EFCAB8: variants seen among roughly 807,000 people sequenced by gnomAD.
The protein encoded by EFCAB8 is EF-hand calcium-binding domain-containing protein 8.
In EFCAB8, 100 loss-of-function variants were observed where a neutral mutation model predicts 116.3. The ratio of observed to expected loss-of-function variants is 0.86; its 90% confidence interval spans 0.73 to 1.02. The LOEUF (loss-of-function observed/expected upper bound fraction) is 1.02. EFCAB8 is among the 50% of genes least tolerant of loss of function. EFCAB8 has a pLI of 0.00. For synonymous variants in EFCAB8, 558 were observed against 567.9 expected, an observed-to-expected ratio of 0.98 and a Z score of 0.25; for missense variants, 1,320 against 1,416.9, an observed-to-expected ratio of 0.93 and a Z score of 1.10.
rs1984658393 is a variant in EFCAB8, at chr20:32,871,015, G to T, written c.208+3268G>T. Among the ~76,000 whole-genome samples, 10 of 151,680 alleles carry T rather than the reference G, an allele frequency of 6.6e-5. No homozygotes were observed. In the South Asian group the frequency reaches 2.1e-3, roughly 32 times the overall value. ...CTGGGACTACAGGCACGCACCACTG[G>T]CTAATTTTGGTATTTTCAGTAGAGA... is the stretch of plus-strand genomic sequence containing the variant. On this transcript the variant is annotated intron_variant, in intron 3 of 26. Coordinates refer to ENST00000400522, the MANE Select transcript of EFCAB8 (RefSeq NM_001143967.2).
At chr20:32,911,753 G>A in intron 16 of EFCAB8, 46 bp downstream of exon 16, 1 of 1,518,006 alleles carries the variant, frequency 6.6e-7, no homozygotes, top group Admixed American at 2.0e-5. Flanking sequence ...CTCTTGGGAA[G>A]CAAAGCACAG....
At chr20:32,919,554 T>TG in intron 19 of EFCAB8, among the ~76,000 whole-genome samples, 1 of 152,292 alleles carries the variant, frequency 6.6e-6, no homozygotes, top group Non-Finnish European at 1.5e-5. Flanking sequence ...TAGAGTGCAG[T>TG]GGCGTGGTCT....
chr20:32,897,244 C>T (rs567573337), intron 10 of EFCAB8, among the ~76,000 whole-genome samples: 2 of 152,178 alleles, frequency 1.3e-5, no homozygotes, highest in South Asian at 2.1e-4. Flanking sequence ...TTGTGTGGTC[C>T]GACCATTGAT....
intron 3 of EFCAB8, among the ~76,000 whole-genome samples, chr20:32,868,403 T>C (rs540124005): frequency 6.6e-6 from 1 of 152,338 alleles, no homozygotes; most frequent in South Asian, 2.1e-4. Context: ...TGTAAAACTT[T>C]CAAGCATTAT....
At position 32,961,466 on chromosome 20, in the gene EFCAB8, T is replaced by C. The variant is rs116751509; in HGVS notation, c.3724T>C (p.Ser1242Pro). ...QSASTAHSTPSVPSPVSKSTL... is the reference protein window; with the variant it reads ...QSASTAHSTPPVPSPVSKSTL... ...AGCCTCCACAGCCCATTCCACCCCC[T>C]CGGTCCCATCCCCGGTGTCCAAGTC... Residue 1242 changes from serine (S) to proline (P), a missense_variant, in exon 27 of 27, where the codon TCG becomes CCG. Transcript: ENST00000400522. The C allele has an allele frequency of 8.5e-4, 1,227 of 1,450,924 alleles. 15 individuals are homozygous for C. In the African/African-American group the frequency reaches 0.016, roughly 19 times the overall value. 89.9% of individuals were successfully genotyped at this position (1,450,924 alleles called of 1,614,324 possible). A position where few individuals can be genotyped will look rare whatever the true frequency, so the allele number is the denominator to read the frequency against.
intron 14 of EFCAB8, 37 bp from the exon 15 acceptor site, chr20:32,909,784 T>A: frequency 8.8e-7 from 1 of 1,136,726 alleles, no homozygotes; most frequent in Non-Finnish European, 1.1e-6. Context: ...AGAGCCCTTC[T>A]GACAGACAAG....
intron 6 of EFCAB8, among the ~76,000 whole-genome samples, chr20:32,888,938 A>G (rs1484674052): frequency 6.7e-6 from 1 of 149,634 alleles, no homozygotes; most frequent in African/African-American, 2.5e-5. Context: ...TGCATATTCA[A>G]GAGTTTGGTT....
chr20:32,958,611 C>T (rs922860209), intron 24 of EFCAB8, 61 bp downstream of exon 24: 4 of 411,154 alleles, frequency 9.7e-6, no homozygotes, highest in African/African-American at 6.2e-5. Context: ...TGTGAGTCTT[C>T]CCAGGTCCTG....
At chr20:32,932,107 G>A (rs1457539834) in intron 22 of EFCAB8, among the ~76,000 whole-genome samples, 5 of 152,110 alleles carry the variant, frequency 3.3e-5, no homozygotes, top group African/African-American at 9.7e-5. Context: ...GGCCGGGCAC[G>A]GTGGCTCATG....
At position 32,960,176 on chromosome 20, in the gene EFCAB8, G is replaced by C. The variant is rs1038853446; in HGVS notation, c.3393+15G>C. 19 of 1,550,768 alleles carry C rather than the reference G, an allele frequency of 1.2e-5. No homozygotes were observed. Among genetic ancestry groups the C allele is most frequent in the Middle Eastern group, 3.3e-4 (2 of 6,006 alleles). On this transcript the variant is annotated intron_variant, in intron 26 of 26. Coordinates refer to ENST00000400522, the MANE Select transcript of EFCAB8 (RefSeq NM_001143967.2). ...TGAAGCATCAGGTAAGGTGGGATGG[G>C]GCAGCTCCCCAAGAGGCTGGGTCAG... is the stretch of plus-strand genomic sequence containing the variant.
chr20:32,867,551 C>T (rs1355546425), intron 2 of EFCAB8, 31 bp from the exon 3 acceptor site: 2 of 1,542,298 alleles, frequency 1.3e-6, no homozygotes, highest in East Asian at 4.9e-5. Context: ...TTGAAACGCT[C>T]AGTCCCTGGT....
At chr20:32,915,833 G>A (rs1987162737) in intron 17 of EFCAB8, among the ~76,000 whole-genome samples, 1 of 152,010 alleles carries the variant, frequency 6.6e-6, no homozygotes, top group African/African-American at 2.4e-5. Context: ...CACCACACCT[G>A]GCTAATTTTT....
At chr20:32,935,808 C>CTCATT (rs1241070416) in intron 22 of EFCAB8, among the ~76,000 whole-genome samples, 1 of 152,032 alleles carries the variant, frequency 6.6e-6, no homozygotes, top group East Asian at 1.9e-4. Flanking sequence ...GCCCACTTTG[C>CTCATT]TCATTTTCTA....
intron 15 of EFCAB8, among the ~76,000 whole-genome samples, chr20:32,910,537 T>C (rs1451351028): frequency 6.6e-6 from 1 of 152,140 alleles, no homozygotes; most frequent in African/African-American, 2.4e-5. Context: ...CCGCATCGGC[T>C]GCAGAGGTGG....
At chr20:32,935,184 C>CTTTTTTTTT (rs1988056638) in intron 22 of EFCAB8, among the ~76,000 whole-genome samples, 2 of 64,556 alleles carry the variant, frequency 3.1e-5, no homozygotes, top group African/African-American at 1.7e-4. Context: ...TTCTTTCTTT[C>CTTTTTTTTT]TTTCTTTCTT....
At chr20:32,863,047 C>G (rs1263789144) in intron 1 of EFCAB8, among the ~76,000 whole-genome samples, 2 of 151,772 alleles carry the variant, frequency 1.3e-5, no homozygotes, top group Middle Eastern at 3.4e-3. Flanking sequence ...TGATTCCTCC[C>G]TCCCCTCTGC....
intron 23 of EFCAB8, among the ~76,000 whole-genome samples, chr20:32,951,859 T>A (rs943015874): frequency 2.0e-5 from 3 of 152,232 alleles, no homozygotes; most frequent in Non-Finnish European, 4.4e-5. Flanking sequence ...CTTATTGAGT[T>A]TTGAGAATGC....
chr20:32,943,163 T>G (rs887583334), intron 22 of EFCAB8, among the ~76,000 whole-genome samples: 2 of 152,208 alleles, frequency 1.3e-5, no homozygotes, highest in Non-Finnish European at 2.9e-5. Flanking sequence ...GCTGAAAAAC[T>G]TTAGAAGACT....
In EFCAB8 at chr20:32,961,735, C is replaced by T; in HGVS notation, c.*126C>T. ...TCTTCCCCCGGCCACCCCACTGGGC[C>T]TCTCTGGGGAAGTTCACCTGTCTCC... On this transcript the variant is annotated 3_prime_UTR_variant, in exon 27 of 27. Coordinates refer to ENST00000400522, the MANE Select transcript of EFCAB8 (RefSeq NM_001143967.2). 2 of 523,238 alleles carry T rather than the reference C, an allele frequency of 3.8e-6. No individual in the cohort carries two copies. The allele number at this position is 523,238 out of a possible 1,614,324, so 32.4% of individuals were successfully genotyped here.
Sources: gnomAD v4.1 joint callset for allele counts (sites outside exome capture counted in the v4.1 genomes callset) on GRCh38, gnomAD v4.1.1 for gene constraint, MANE v1.5 for transcripts, NCBI Gene and HGNC (gene_info 2026-07-23, HGNC 2026-07-21) for gene names.